Variants in STK38L observed in about 807,000 individuals in gnomAD.
STK38L encodes the protein serine/threonine-protein kinase 38-like.
A neutral mutation model predicts 59.7 loss-of-function variants in STK38L; 28 were observed. The observed-to-expected ratio is 0.47, with a 90% CI of 0.35 to 0.64. The LOEUF (loss-of-function observed/expected upper bound fraction) is 0.64, where lower values mean the gene tolerates loss of function less well. STK38L is among the 30% of genes least tolerant of loss of function. The pLI is 0.01. For synonymous variants in STK38L, 162 were observed against 176.8 expected (o/e 0.92, Z 0.66); for missense variants, 314 against 555.8 (o/e 0.56, Z 4.37).
chr12:27,308,369 A>G lies in STK38L; in HGVS notation c.217A>G (p.Lys73Glu). The G allele has an allele frequency of 6.3e-7, 1 of 1,596,734 alleles. No individual in the cohort carries two copies. The highest frequency in any genetic ancestry group is 8.5e-7 in the Non-Finnish European group (1 of 1,170,522). The change falls in exon 4 of 14, where the codon AAA (lysine) becomes GAA (glutamate). Residue 73 changes from lysine (K) to glutamate (E), a missense_variant. Around this residue, in one of 3 missense-constraint regions of STK38L, gnomAD observed 192 missense variants for 316.9 expected, o/e 0.61. Coordinates refer to ENST00000389032, the MANE Select transcript of STK38L (RefSeq NM_015000.4). The surrounding 1 kb of genome is among the most constrained non-coding windows in gnomAD (Gnocchi z 4.5). ...KKLRRSQHAR[K>E]ETEFLRLKRT... Reference sequence around the variant, plus strand: ...GTTACGTCGATCACAACACGCTCGCAAAGAAACAGAGTTCTTACGGCTCAA... The same window carrying G: ...GTTACGTCGATCACAACACGCTCGCGAAGAAACAGAGTTCTTACGGCTCAA...
At chr12:27,279,082 G>A (rs1357166177) in intron 1 of STK38L, among the ~76,000 whole-genome samples, 1 of 152,190 alleles carries the variant, frequency 6.6e-6, no homozygotes, top group Non-Finnish European at 1.5e-5. Flanking sequence ...TAAGACCATC[G>A]AGGAGGTCAT....
chr12:27,283,964 A>G (rs974419678), intron 1 of STK38L, among the ~76,000 whole-genome samples: 6 of 152,326 alleles, frequency 3.9e-5, no homozygotes, highest in African/African-American at 1.4e-4. Flanking sequence ...ACTGAATGGT[A>G]ATCAACTTCT....
intron 1 of STK38L, among the ~76,000 whole-genome samples, chr12:27,252,087 C>T (rs1466613116): frequency 6.6e-6 from 1 of 152,154 alleles, no homozygotes; most frequent in Non-Finnish European, 1.5e-5. Flanking sequence ...TCACGCCATT[C>T]TCCTGCCTCA....
At position 27,315,008 on chromosome 12, in the gene STK38L, T is replaced by A. The variant is rs371522984; in HGVS notation, c.673-7T>A. The A allele has an allele frequency of 1.1e-5, 18 of 1,594,604 alleles. No individual in the cohort carries two copies. The African/African-American group carries it at 2.3e-4, about 20-fold the overall frequency. ...ATATGATCTAATTTTACTGGATTTT[T>A]TTTTAGGGTCATGTAAAATTATCTG... is the stretch of plus-strand genomic sequence containing the variant. On this transcript the variant is annotated splice_region_variant and splice_polypyrimidine_tract_variant and intron_variant, in intron 7 of 13. Transcript: ENST00000389032.
intron 1 of STK38L, among the ~76,000 whole-genome samples, chr12:27,265,103 T>A (rs1334817245): frequency 6.6e-6 from 1 of 152,116 alleles, no homozygotes; most frequent in Non-Finnish European, 1.5e-5. Flanking sequence ...TTTCTCCTGG[T>A]GATAAAAGGC....
At chr12:27,293,418 G>C (rs1244234190) in intron 1 of STK38L, among the ~76,000 whole-genome samples, 2 of 152,206 alleles carry the variant, frequency 1.3e-5, no homozygotes, top group African/African-American at 4.8e-5. Context: ...TTGAATAACA[G>C]TTCTCTTTGT....
chr12:27,297,674 TCCCAC>T, intron 1 of STK38L, 31 bp from the exon 2 acceptor site: 1 of 1,569,910 alleles, frequency 6.4e-7, no homozygotes, highest in African/African-American at 1.4e-5. Flanking sequence ...GGGTTTTTTT[TCCCAC>T]TGAATAATTT....
At chr12:27,270,160 G>C (rs188611499) in intron 1 of STK38L, among the ~76,000 whole-genome samples, 1 of 152,236 alleles carries the variant, frequency 6.6e-6, no homozygotes. Flanking sequence ...TAAGACTTTA[G>C]GAGCTACCTG....
chr12:27,314,881 A>G lies in STK38L; in HGVS notation c.673-134A>G, dbSNP rs1591940290. On this transcript the variant is annotated intron_variant, in intron 7 of 13. Coordinates refer to ENST00000389032, the MANE Select transcript of STK38L (RefSeq NM_015000.4). ...TTTTAAAAATCATCATCAGATACTTAAAATTTTACATTTTACGTGTATAAA... is the reference window on the plus strand; with the variant it reads ...TTTTAAAAATCATCATCAGATACTTGAAATTTTACATTTTACGTGTATAAA... 6.8e-6 allele frequency: 6 copies of G among 877,560 alleles called. No individual in the cohort carries two copies. The East Asian group carries it at 1.6e-4, about 24-fold the overall frequency. 54.4% of individuals were successfully genotyped at this position (877,560 alleles called of 1,614,324 possible).
chr12:27,260,670 T>A (rs1943187027), intron 1 of STK38L, among the ~76,000 whole-genome samples: 1 of 152,206 alleles, frequency 6.6e-6, no homozygotes, highest in East Asian at 1.9e-4. Flanking sequence ...TAAATCATTC[T>A]TTTTCATCTC....
chr12:27,270,277 G>A (rs1020859440), intron 1 of STK38L, among the ~76,000 whole-genome samples: 15 of 151,846 alleles, frequency 9.9e-5, no homozygotes, highest in African/African-American at 2.9e-4. Flanking sequence ...ATGTGATCAC[G>A]GCTCACTGTA....
chr12:27,261,032 A>G (rs906264432), intron 1 of STK38L, among the ~76,000 whole-genome samples: 4 of 152,136 alleles, frequency 2.6e-5, no homozygotes, highest in African/African-American at 7.2e-5. Context: ...ATTGTGTCCC[A>G]TGTTTCCATT....
At chr12:27,277,596 G>A (rs991119561) in intron 1 of STK38L, among the ~76,000 whole-genome samples, 2 of 152,072 alleles carry the variant, frequency 1.3e-5, no homozygotes, top group African/African-American at 4.8e-5. Context: ...TGACAAATGA[G>A]TAAAGAAATC....
chr12:27,313,475 G>T (rs1028808836), intron 6 of STK38L, among the ~76,000 whole-genome samples: 1 of 151,894 alleles, frequency 6.6e-6, no homozygotes, highest in Non-Finnish European at 1.5e-5. Flanking sequence ...TCTGCCTCCC[G>T]GGTTCAAGCG....
At chr12:27,279,057 G>C (rs1943596722) in intron 1 of STK38L, among the ~76,000 whole-genome samples, 1 of 152,176 alleles carries the variant, frequency 6.6e-6, no homozygotes, top group South Asian at 2.1e-4. Flanking sequence ...ACTTTAGGTT[G>C]GGTTTATTGG....
At chr12:27,293,444 G>A (rs902165059) in intron 1 of STK38L, among the ~76,000 whole-genome samples, 7 of 152,170 alleles carry the variant, frequency 4.6e-5, no homozygotes, top group Middle Eastern at 3.2e-3. Context: ...TGCCATGCTC[G>A]CCAAGCAATC....
intron 1 of STK38L, among the ~76,000 whole-genome samples, chr12:27,278,337 C>T (rs1415225023): frequency 6.6e-6 from 1 of 152,248 alleles, no homozygotes; most frequent in African/African-American, 2.4e-5. Context: ...TTATTGGGCA[C>T]TGCAGCCCAC....
intron 7 of STK38L, 73 bp downstream of exon 7, chr12:27,314,731 G>A (rs1944543689): frequency 2.0e-6 from 3 of 1,463,812 alleles, no homozygotes; most frequent in East Asian, 2.4e-5. Flanking sequence ...TTTGTGAATG[G>A]AAATCAGCAA....
chr12:27,259,559 T>A (rs139474978), intron 1 of STK38L, among the ~76,000 whole-genome samples: 1 of 152,208 alleles, frequency 6.6e-6, no homozygotes, highest in Non-Finnish European at 1.5e-5. Flanking sequence ...GGTAGAAATA[T>A]GTAAAAGGTC....
Sources: allele counts gnomAD v4.1 joint callset (sites outside exome capture counted in the v4.1 genomes callset), GRCh38; gene constraint gnomAD v4.1.1; regional missense constraint gnomAD v4.1.1; non-coding constraint Gnocchi (gnomAD v3.1); transcripts MANE v1.5; gene names NCBI Gene and HGNC (gene_info 2026-07-23, HGNC 2026-07-21).